GALNTL6: variants seen among roughly 807,000 people sequenced by gnomAD.
The protein encoded by GALNTL6 is polypeptide N-acetylgalactosaminyltransferase like 6.
In GALNTL6, 46 loss-of-function variants were observed where a neutral mutation model predicts 73.7. That is an observed-to-expected ratio of 0.62 (90% CI 0.49 to 0.80). The LOEUF (loss-of-function observed/expected upper bound fraction) is 0.80. GALNTL6 is among the 30% of genes least tolerant of loss of function. GALNTL6 has a pLI of 0.00. For missense variants in GALNTL6, 604 were observed against 755.0 expected (o/e 0.80, Z 2.34); for synonymous variants, 259 against 263.7 (o/e 0.98, Z 0.17).
chr4:171,887,490 T>C (rs907405794), intron 2 of GALNTL6, among the ~76,000 whole-genome samples: 1 of 152,168 alleles, frequency 6.6e-6, no homozygotes, highest in Non-Finnish European at 1.5e-5. Flanking sequence ...TACTGGATTG[T>C]ATGTTTGCAA....
intron 7 of GALNTL6, among the ~76,000 whole-genome samples, chr4:172,858,550 CCTGGCATAGTGGCT>C (rs1419553529): frequency 4.6e-5 from 7 of 152,114 alleles, no homozygotes; most frequent in African/African-American, 1.4e-4. Flanking sequence ...TGGCTGCTGG[CCTGGCATAGTGGCT>C]CATGCCTGTA....
intron 5 of GALNTL6, among the ~76,000 whole-genome samples, chr4:172,467,490 C>A (rs779607132): frequency 6.6e-6 from 1 of 152,096 alleles, no homozygotes; most frequent in Non-Finnish European, 1.5e-5. Flanking sequence ...ATCATGGAGT[C>A]GCTCATCCTC....
chr4:172,744,852 T>C lies in GALNTL6; in HGVS notation c.554-64509T>C, dbSNP rs1214758923. Among the ~76,000 whole-genome samples, 675 of 151,638 alleles carry C rather than the reference T, an allele frequency of 4.5e-3. 6 individuals carry two copies. The highest frequency in any genetic ancestry group is 0.016 in the African/African-American group (647 of 41,308). Reference sequence around the variant, plus strand: ...AAGAGTGCGCGTGCGTGTGTGTGTGTGTGTGTGTGTGTGTGTGTGTATTTC... The same window carrying C: ...AAGAGTGCGCGTGCGTGTGTGTGTGCGTGTGTGTGTGTGTGTGTGTATTTC... On this transcript the variant is annotated intron_variant, in intron 5 of 12. Coordinates refer to ENST00000506823, the MANE Select transcript of GALNTL6 (RefSeq NM_001034845.3).
chr4:172,443,616 G>A (rs570170940), intron 5 of GALNTL6, among the ~76,000 whole-genome samples: 1 of 152,108 alleles, frequency 6.6e-6, no homozygotes, highest in East Asian at 1.9e-4. Context: ...ATATGACTGA[G>A]AACACAGGTG....
intron 11 of GALNTL6, among the ~76,000 whole-genome samples, chr4:173,010,526 C>A (rs901169060): frequency 6.6e-6 from 1 of 152,080 alleles, no homozygotes; most frequent in African/African-American, 2.4e-5. Context: ...TGGGTATACA[C>A]CCAGCAGTGG....
At chr4:171,915,069 G>A (rs1737579919) in intron 2 of GALNTL6, among the ~76,000 whole-genome samples, 2 of 152,082 alleles carry the variant, frequency 1.3e-5, no homozygotes, top group African/African-American at 4.8e-5. Context: ...GATTTTTAAA[G>A]TTCGAAAAAA....
chr4:172,143,691 C>G (rs967000045), intron 2 of GALNTL6, among the ~76,000 whole-genome samples: 1 of 152,248 alleles, frequency 6.6e-6, no homozygotes, highest in South Asian at 2.1e-4. Context: ...GCCTGCCCCC[C>G]ATTCATGAAG....
At chr4:172,102,153 A>G (rs1036265490) in intron 2 of GALNTL6, among the ~76,000 whole-genome samples, 30 of 152,238 alleles carry the variant, frequency 2.0e-4, no homozygotes, top group Non-Finnish European at 5.9e-5. Flanking sequence ...AGGAATTTCT[A>G]CATGGTCTTG....
At chr4:172,244,918 G>A (rs1737570252) in intron 3 of GALNTL6, among the ~76,000 whole-genome samples, 1 of 152,060 alleles carries the variant, frequency 6.6e-6, no homozygotes, top group African/African-American at 2.4e-5. Context: ...TAGTAGTTGT[G>A]ATTACTATCA....
chr4:172,057,446 C>T (rs1731049204), intron 2 of GALNTL6, among the ~76,000 whole-genome samples: 1 of 151,462 alleles, frequency 6.6e-6, no homozygotes, highest in South Asian at 2.1e-4. Flanking sequence ...CCCAACTACT[C>T]AGGAGGCCAA....
intron 5 of GALNTL6, among the ~76,000 whole-genome samples, chr4:172,761,137 C>T (rs1738059973): frequency 6.6e-6 from 1 of 152,062 alleles, no homozygotes; most frequent in Admixed American, 6.5e-5. Context: ...CCTTCTATAG[C>T]CTGTTCCCAT....
intron 5 of GALNTL6, among the ~76,000 whole-genome samples, chr4:172,592,271 G>A (rs890411854): frequency 3.3e-5 from 5 of 152,116 alleles, no homozygotes; most frequent in Admixed American, 1.3e-4. Flanking sequence ...TCGCTTTCAA[G>A]GGAACTAATG....
intron 2 of GALNTL6, among the ~76,000 whole-genome samples, chr4:171,873,225 A>C (rs902156941): frequency 5.3e-5 from 8 of 152,208 alleles, no homozygotes; most frequent in Non-Finnish European, 1.2e-4. Context: ...AAGAAACAAC[A>C]TATTGGACCT....
chr4:172,578,438 C>G (rs991651280), intron 5 of GALNTL6, among the ~76,000 whole-genome samples: 1 of 152,108 alleles, frequency 6.6e-6, no homozygotes, highest in Non-Finnish European at 1.5e-5. Flanking sequence ...TTACTTTGAT[C>G]TTTGTTAATT....
chr4:172,168,394 G>T (rs1467792313), intron 2 of GALNTL6, among the ~76,000 whole-genome samples: 1 of 152,184 alleles, frequency 6.6e-6, no homozygotes, highest in African/African-American at 2.4e-5. Flanking sequence ...AGATTCTCCT[G>T]CCTCAGCCTA....
chr4:172,857,403 A>T lies in GALNTL6; in HGVS notation c.924-25387A>T, dbSNP rs76593441. On this transcript the variant is annotated intron_variant, in intron 7 of 12. Transcript: ENST00000506823. ...CCACTTAGCAAAGTGTGTGGCCCCC[A>T]TCTGTTTAATGCAGGATCACTATGA... Among the ~76,000 whole-genome samples, 314 of 152,218 alleles carry T rather than the reference A, an allele frequency of 2.1e-3. 10 individuals are homozygous for T. In the East Asian group the frequency reaches 0.049, roughly 24 times the overall value.
intron 5 of GALNTL6, among the ~76,000 whole-genome samples, chr4:172,700,905 G>A (rs1030695054): frequency 3.3e-5 from 5 of 151,970 alleles, no homozygotes; most frequent in Admixed American, 6.6e-5. Context: ...CATTTTAACC[G>A]AAAATGCAAC....
intron 2 of GALNTL6, among the ~76,000 whole-genome samples, chr4:172,115,428 T>C (rs980685447): frequency 2.0e-5 from 3 of 152,162 alleles, no homozygotes; most frequent in African/African-American, 7.2e-5. Context: ...GTAAAATTGA[T>C]AGATTGTAAA....
rs142883080 is a variant in GALNTL6 at position 172,581,504 on chromosome 4, A to G, written c.554-227857A>G. Among the ~76,000 whole-genome samples, 513 of 152,166 alleles carry G rather than the reference A, an allele frequency of 3.4e-3. 2 individuals are homozygous for G. The highest frequency in any genetic ancestry group is 0.012 in the African/African-American group (491 of 41,504). On this transcript the variant is annotated intron_variant, in intron 5 of 12. Transcript: ENST00000506823. ...AGGACTCCACAAAAGGCCTTTCTCAATCCATCAGCTCTTCTCTTCTACATT... is the reference window on the plus strand; with the variant it reads ...AGGACTCCACAAAAGGCCTTTCTCAGTCCATCAGCTCTTCTCTTCTACATT...
Sources: gnomAD v4.1 joint callset for allele counts (sites outside exome capture counted in the v4.1 genomes callset) on GRCh38, gnomAD v4.1.1 for gene constraint, MANE v1.5 for transcripts, NCBI Gene and HGNC (gene_info 2026-07-23, HGNC 2026-07-21) for gene names.